Variants in LHFPL3 observed in about 807,000 individuals in gnomAD.
The protein encoded by LHFPL3 is LHFPL tetraspan subfamily member 3 protein.
Under a neutral mutation model 19.3 loss-of-function variants are expected in LHFPL3, and 5 were observed. The observed-to-expected ratio is 0.26, with a 90% CI of 0.14 to 0.54. The LOEUF is 0.54. LHFPL3 is among the 20% of genes least tolerant of loss of function. LHFPL3 has a pLI of 0.94. For missense variants in LHFPL3, 249 were observed against 307.4 expected (o/e 0.81, Z 1.42); for synonymous variants, 133 against 126.2 (o/e 1.05, Z -0.36).
At chr7:104,589,666 G>A (rs1486020987) in intron 1 of LHFPL3, among the ~76,000 whole-genome samples, 1 of 152,108 alleles carries the variant, frequency 6.6e-6, no homozygotes, top group East Asian at 1.9e-4. Flanking sequence ...TCTATTGATT[G>A]GAATAGTTTC....
At chr7:104,879,324 G>A (rs982042742) in intron 2 of LHFPL3, among the ~76,000 whole-genome samples, 1 of 152,178 alleles carries the variant, frequency 6.6e-6, no homozygotes, top group Non-Finnish European at 1.5e-5. Context: ...GCTAAGGTGG[G>A]AGGATTGCTT....
At chr7:104,600,426 T>A (rs942865120) in intron 1 of LHFPL3, among the ~76,000 whole-genome samples, 1 of 152,244 alleles carries the variant, frequency 6.6e-6, no homozygotes, top group Non-Finnish European at 1.5e-5. Context: ...AAGATTATTG[T>A]CACACACGTT....
intron 1 of LHFPL3, among the ~76,000 whole-genome samples, chr7:104,538,811 T>C (rs1178701663): frequency 6.6e-6 from 1 of 151,450 alleles, no homozygotes; most frequent in African/African-American, 2.4e-5. Context: ...AAAAGCAACT[T>C]TGCACGTGAG....
chr7:104,772,910 G>C (rs905601155), intron 2 of LHFPL3, among the ~76,000 whole-genome samples: 14 of 152,224 alleles, frequency 9.2e-5, no homozygotes, highest in Non-Finnish European at 1.3e-4. Context: ...CTTATTCGGA[G>C]TGCTGTTAAC....
At chr7:104,505,349 T>A (rs1458589623) in intron 1 of LHFPL3, among the ~76,000 whole-genome samples, 1 of 152,240 alleles carries the variant, frequency 6.6e-6, no homozygotes, top group East Asian at 1.9e-4. Flanking sequence ...TGAAAAGCTT[T>A]CACATTGCTG....
chr7:104,740,302 C>T (rs142455321), intron 2 of LHFPL3, among the ~76,000 whole-genome samples: 2,004 of 152,288 alleles, frequency 0.013, 24 homozygotes, highest in South Asian at 0.024. Flanking sequence ...CCAATTATAT[C>T]ACTTACATCC....
intron 1 of LHFPL3, among the ~76,000 whole-genome samples, chr7:104,601,160 G>A (rs1207947793): frequency 6.6e-6 from 1 of 152,146 alleles, no homozygotes; most frequent in East Asian, 1.9e-4. Context: ...CCACAGAGAT[G>A]TTTCATAAAG....
At chr7:104,441,651 C>T (rs1792226379) in intron 1 of LHFPL3, among the ~76,000 whole-genome samples, 2 of 152,202 alleles carry the variant, frequency 1.3e-5, no homozygotes, top group Non-Finnish European at 1.5e-5. Flanking sequence ...TCTTAGCTCA[C>T]TGCAGCCTCC....
chr7:104,463,408 G>A (rs981191521), intron 1 of LHFPL3, among the ~76,000 whole-genome samples: 2 of 152,176 alleles, frequency 1.3e-5, no homozygotes, highest in African/African-American at 4.8e-5. Context: ...TGCCTTAGCT[G>A]TATCCCAGAG....
At chr7:104,822,137 T>TAA (rs996172842) in intron 2 of LHFPL3, among the ~76,000 whole-genome samples, 1 of 152,178 alleles carries the variant, frequency 6.6e-6, no homozygotes, top group Non-Finnish European at 1.5e-5. Context: ...CCCATGAGAC[T>TAA]AAGTGTTTGA....
intron 2 of LHFPL3, among the ~76,000 whole-genome samples, chr7:104,838,328 A>ATCTC (rs749130244): frequency 4.0e-4 from 61 of 152,194 alleles, no homozygotes; most frequent in Non-Finnish European, 7.1e-4. Flanking sequence ...GTGTACTTCC[A>ATCTC]TCTCTGCTCC....
chr7:104,890,722 G>A lies in LHFPL3; in HGVS notation c.683-15465G>A, dbSNP rs1022010984. Among the ~76,000 whole-genome samples the A allele has an allele frequency of 3.9e-5, 6 of 152,320 alleles. No homozygotes were observed. The East Asian group carries it at 5.8e-4, about 15-fold the overall frequency. ...AGCCAGGCTCTTCTGTGGATGACAC[G>A]CCAGGCTCAGGTGGCCAGTGAGGAC... is the stretch of plus-strand genomic sequence containing the variant. On this transcript the variant is annotated intron_variant, in intron 2 of 2. Coordinates refer to ENST00000424859, the MANE Select transcript of LHFPL3 (RefSeq NM_199000.3).
chr7:104,863,233 A>T (rs181129099), intron 2 of LHFPL3, among the ~76,000 whole-genome samples: 172 of 152,314 alleles, frequency 1.1e-3, no homozygotes, highest in African/African-American at 3.8e-3. Flanking sequence ...TATAAAGTGA[A>T]TGATGCAAAA....
chr7:104,534,925 C>A (rs1794365396), intron 1 of LHFPL3, among the ~76,000 whole-genome samples: 1 of 152,138 alleles, frequency 6.6e-6, no homozygotes, highest in Non-Finnish European at 1.5e-5. Context: ...GATAGCAATT[C>A]TGACTTACAA....
chr7:104,576,086 TAAG>T (rs1166632164), intron 1 of LHFPL3, among the ~76,000 whole-genome samples: 3 of 151,646 alleles, frequency 2.0e-5, no homozygotes, highest in Non-Finnish European at 4.4e-5. Flanking sequence ...TATAGAATAA[TAAG>T]AAGAGTACAA....
At chr7:104,738,171 G>A (rs1793865306) in intron 2 of LHFPL3, among the ~76,000 whole-genome samples, 1 of 152,270 alleles carries the variant, frequency 6.6e-6, no homozygotes, top group Non-Finnish European at 1.5e-5. Flanking sequence ...ACACAGGGGA[G>A]TGGTGCTGAA....
intron 2 of LHFPL3, among the ~76,000 whole-genome samples, chr7:104,881,545 A>C (rs570903569): frequency 6.6e-6 from 1 of 152,332 alleles, no homozygotes; most frequent in South Asian, 2.1e-4. Context: ...GATAAAATTC[A>C]AATACATGAG....
chr7:104,881,186 A>C (rs10239563), intron 2 of LHFPL3, among the ~76,000 whole-genome samples: 1 of 151,222 alleles, frequency 6.6e-6, no homozygotes, highest in East Asian at 2.0e-4. Context: ...AAAAAAAAAA[A>C]AAAGAAATAC....
At position 104,329,202 on chromosome 7, in the gene LHFPL3, T is replaced by C. The variant is rs1029966685; in HGVS notation, c.423T>C (p.Cys141=). The C allele has an allele frequency of 6.2e-7, 1 of 1,609,342 alleles. No individual in the cohort carries two copies. Among genetic ancestry groups the C allele is most frequent in the Non-Finnish European group, 8.5e-7 (1 of 1,176,276 alleles). ...FCNTATVYKI[C]AWMQLTSAAC... ...ACACGGCCACTGTGTACAAGATATG[T>C]GCCTGGATGCAGCTCACCTCCGGTG... The change falls in exon 1 of 3, where the codon TGT becomes TGC. Residue 141 remains cysteine, a synonymous_variant. Coordinates refer to ENST00000424859, the MANE Select transcript of LHFPL3 (RefSeq NM_199000.3).
Sources: allele counts gnomAD v4.1 joint callset (sites outside exome capture counted in the v4.1 genomes callset), GRCh38; gene constraint gnomAD v4.1.1; transcripts MANE v1.5; gene names NCBI Gene and HGNC (gene_info 2026-07-23, HGNC 2026-07-21).